NALF1: variants seen among roughly 807,000 people sequenced by gnomAD.
The protein encoded by NALF1 is family with sequence similarity 155 member A.
NALF1 carries 3 observed loss-of-function variants against 48.4 expected under a neutral mutation model. The ratio of observed to expected loss-of-function variants is 0.06; its 90% CI spans 0.03 to 0.16. The LOEUF (loss-of-function observed/expected upper bound fraction) is 0.16. NALF1 is among the 10% of genes least tolerant of loss of function. The pLI, the probability that NALF1 is intolerant of heterozygous loss-of-function variation, is 1.00. For synonymous variants in NALF1, 262 were observed against 245.7 expected, an observed-to-expected ratio of 1.07 and a Z score of -0.62; for missense variants, 526 against 571.5, an observed-to-expected ratio of 0.92 and a Z score of 0.81.
chr13:107,291,488 T>C (rs1360889700), intron 1 of NALF1, among the ~76,000 whole-genome samples: 3 of 29,138 alleles, frequency 1.0e-4, no homozygotes, highest in South Asian at 4.3e-3. Flanking sequence ...GTAAGGTGTA[T>C]ACAAAAAAAA....
chr13:107,479,023 C>G (rs1885214237), intron 1 of NALF1, among the ~76,000 whole-genome samples: 1 of 152,082 alleles, frequency 6.6e-6, no homozygotes. Context: ...ATTAAAAATT[C>G]TTCACATCAA....
intron 1 of NALF1, among the ~76,000 whole-genome samples, chr13:107,422,490 C>G (rs1226352899): frequency 6.6e-6 from 1 of 152,060 alleles, no homozygotes; most frequent in Non-Finnish European, 1.5e-5. Context: ...TCATCATCAT[C>G]ATCATCATCA....
chr13:107,652,880 C>T (rs1033422099), intron 1 of NALF1, among the ~76,000 whole-genome samples: 1 of 152,088 alleles, frequency 6.6e-6, no homozygotes, highest in African/African-American at 2.4e-5. Flanking sequence ...AATATGGAAA[C>T]ATCAATGATT....
intron 1 of NALF1, among the ~76,000 whole-genome samples, chr13:107,311,150 T>C (rs912837110): frequency 2.0e-5 from 3 of 152,196 alleles, no homozygotes; most frequent in African/African-American, 7.2e-5. Flanking sequence ...CCATCTCCAC[T>C]ATCAGTACTG....
chr13:107,300,819 A>C (rs1036963004), intron 1 of NALF1, among the ~76,000 whole-genome samples: 1 of 152,232 alleles, frequency 6.6e-6, no homozygotes, highest in Non-Finnish European at 1.5e-5. Context: ...AAAATGTATT[A>C]GCTAAACGAG....
intron 1 of NALF1, among the ~76,000 whole-genome samples, chr13:107,766,690 G>C (rs1466065212): frequency 6.6e-6 from 1 of 152,146 alleles, no homozygotes; most frequent in Non-Finnish European, 1.5e-5. Flanking sequence ...GCAACATTCA[G>C]ACAGCAAATT....
At chr13:107,318,481 G>A (rs894173406) in intron 1 of NALF1, among the ~76,000 whole-genome samples, 1 of 152,012 alleles carries the variant, frequency 6.6e-6, no homozygotes, top group Non-Finnish European at 1.5e-5. Context: ...TCTTAGGAGA[G>A]AGGCAGCATT....
chr13:107,540,049 T>TGTACACACACACACACACACACAC (rs1555307598), intron 1 of NALF1, among the ~76,000 whole-genome samples: 43 of 149,514 alleles, frequency 2.9e-4, no homozygotes, highest in African/African-American at 1.0e-3. Flanking sequence ...GCTTCTGATG[T>TGTACACACACACACACACACACAC]ACACACACAC....
intron 1 of NALF1, among the ~76,000 whole-genome samples, chr13:107,599,163 C>A (rs9301241): frequency 0.81 from 123,521 of 152,064 alleles, 50,174 homozygotes; most frequent in Admixed American, 0.84. Flanking sequence ...GATGTGCCTA[C>A]AAGTAACATT....
intron 1 of NALF1, among the ~76,000 whole-genome samples, chr13:107,246,791 A>C (rs1333368391): frequency 6.6e-6 from 1 of 152,192 alleles, no homozygotes; most frequent in Admixed American, 6.5e-5. Flanking sequence ...TAAATTGCCA[A>C]ACATCATACT....
intron 1 of NALF1, among the ~76,000 whole-genome samples, chr13:107,761,383 A>G (rs1877260153): frequency 6.6e-6 from 1 of 152,026 alleles, no homozygotes; most frequent in South Asian, 2.1e-4. Flanking sequence ...AGAAAAAAAA[A>G]AGGAAAAAAA....
chr13:107,762,547 GAAAGAC>G (rs1566472423), intron 1 of NALF1, among the ~76,000 whole-genome samples: 3 of 152,144 alleles, frequency 2.0e-5, no homozygotes, highest in African/African-American at 7.2e-5. Context: ...ATGGGAACTA[GAAAGAC>G]ATTGTGTATG....
chr13:107,185,126 T>G lies in NALF1; in HGVS notation c.1088-14340A>C, dbSNP rs148806511. Among the ~76,000 whole-genome samples the G allele has an allele frequency of 2.8e-3, 423 of 152,254 alleles. 2 individuals are homozygous for G. The highest frequency in any genetic ancestry group is 2.4e-3 in the Non-Finnish European group (160 of 68,012). On this transcript the variant is annotated intron_variant, in intron 2 of 2. Transcript: ENST00000375915. ...CTACAGGTCAAGGAGTGCCAAAGAT[T>G]GCTGACCACCTCCAGAGGCTGAGAG...
At chr13:107,830,163 A>C (rs542579422) in intron 1 of NALF1, among the ~76,000 whole-genome samples, 7 of 152,252 alleles carry the variant, frequency 4.6e-5, no homozygotes, top group African/African-American at 1.7e-4. Flanking sequence ...CATTCCAGCA[A>C]TCTAACTCGA....
intron 1 of NALF1, among the ~76,000 whole-genome samples, chr13:107,721,214 G>A (rs1049435826): frequency 6.6e-6 from 1 of 151,964 alleles, no homozygotes; most frequent in Non-Finnish European, 1.5e-5. Flanking sequence ...TGAGTGCTCT[G>A]TGTATCATGC....
chr13:107,815,492 C>T (rs190207239), intron 1 of NALF1, among the ~76,000 whole-genome samples: 2 of 152,082 alleles, frequency 1.3e-5, no homozygotes, highest in East Asian at 3.9e-4. Context: ...ATGCCTATAA[C>T]CAAAAAGACA....
intron 2 of NALF1, among the ~76,000 whole-genome samples, chr13:107,204,291 C>T (rs1328673738): frequency 3.9e-5 from 6 of 152,192 alleles, no homozygotes; most frequent in South Asian, 2.1e-4. Flanking sequence ...CTGCGCCTGC[C>T]GCTCCGCAAG....
At chr13:107,808,931 G>A (rs1303069014) in intron 1 of NALF1, among the ~76,000 whole-genome samples, 5 of 152,060 alleles carry the variant, frequency 3.3e-5, no homozygotes, top group Admixed American at 1.3e-4. Flanking sequence ...ATAGGCCTGT[G>A]ACTATGCAGA....
chr13:107,209,038 C>G (rs1236329427), intron 2 of NALF1, among the ~76,000 whole-genome samples: 1 of 152,214 alleles, frequency 6.6e-6, no homozygotes, highest in Non-Finnish European at 1.5e-5. Flanking sequence ...GCCCTTCTCT[C>G]TTATCTGTAA....
Sources: gnomAD v4.1 joint callset for allele counts (sites outside exome capture counted in the v4.1 genomes callset) on GRCh38, gnomAD v4.1.1 for gene constraint, MANE v1.5 for transcripts, NCBI Gene and HGNC (gene_info 2026-07-23, HGNC 2026-07-21) for gene names.